The following ST8SIA2 variants were observed in gnomAD, a reference collection of about 807,000 sequenced individuals.
ST8SIA2 encodes the protein ST8 alpha-N-acetyl-neuraminide alpha-2,8-sialyltransferase 2.
ST8SIA2 carries 22 observed loss-of-function variants against 37.6 expected under a neutral mutation model. The ratio of observed to expected loss-of-function variants is 0.58; its 90% CI spans 0.42 to 0.83. The LOEUF is 0.83. Ranked by LOEUF, ST8SIA2 falls within the 40% of genes least tolerant of loss-of-function variation. ST8SIA2 has a pLI of 0.00. For synonymous variants in ST8SIA2, 205 were observed against 201.2 expected (o/e 1.02, Z -0.16); for missense variants, 382 against 484.7 (o/e 0.79, Z 1.99).
In ST8SIA2 at chr15:92,438,406, G is replaced by A; in HGVS notation, c.344G>A (p.Gly115Glu). ...DAEKDISVLK[G>E]TLKPGDIIHY... Reference sequence around the variant, plus strand: ...GAAAAGGACATTTCTGTCCTAAAGGGAACCCTGAAGCCTGGAGATATTATT... The same window carrying A: ...GAAAAGGACATTTCTGTCCTAAAGGAAACCCTGAAGCCTGGAGATATTATT... The change falls in exon 4 of 6, where the codon GGA becomes GAA. Residue 115 changes from glycine (G) to glutamate (E), a missense_variant. Physicochemically the swap from Gly to Glu is moderately conservative, Grantham distance 98. Coordinates refer to ENST00000268164, the MANE Select transcript of ST8SIA2 (RefSeq NM_006011.4). 6.2e-7 allele frequency: 1 copy of A among 1,614,226 alleles called. No homozygotes were observed. Among genetic ancestry groups the A allele is most frequent in the Admixed American group, 1.7e-5 (1 of 60,030 alleles).
intron 1 of ST8SIA2, chr15:92,421,424 C>G (rs1361198125): frequency 6.6e-6 from 1 of 152,128 alleles, no homozygotes; most frequent in East Asian, 1.9e-4. Flanking sequence ...GGCTTGTCCT[C>G]CAGCCAAAAA....
intron 1 of ST8SIA2, among the ~76,000 whole-genome samples, chr15:92,409,579 C>G (rs1344162503): frequency 6.6e-6 from 1 of 152,140 alleles, no homozygotes; most frequent in Non-Finnish European, 1.5e-5. Flanking sequence ...CATTTCTTTC[C>G]TGTTCATTTC....
At chr15:92,443,780 A>G (rs2049820468) in intron 4 of ST8SIA2, among the ~76,000 whole-genome samples, 1 of 152,154 alleles carries the variant, frequency 6.6e-6, no homozygotes, top group African/African-American at 2.4e-5. Flanking sequence ...GTGCTCTAGC[A>G]TGGTATTCCT....
intron 5 of ST8SIA2, among the ~76,000 whole-genome samples, chr15:92,454,745 T>C (rs1008455596): frequency 7.9e-5 from 12 of 151,832 alleles, no homozygotes; most frequent in African/African-American, 2.9e-4. Context: ...GGCCCCTGGC[T>C]CTGCTGGCCT....
intron 3 of ST8SIA2, among the ~76,000 whole-genome samples, chr15:92,435,882 C>T (rs923058848): frequency 7.9e-5 from 12 of 152,238 alleles, no homozygotes; most frequent in South Asian, 2.1e-4. Context: ...AACAACGCGG[C>T]GGCGGCCTAA....
chr15:92,453,289 C>T (rs374143505), intron 5 of ST8SIA2, among the ~76,000 whole-genome samples: 20 of 152,200 alleles, frequency 1.3e-4, no homozygotes, highest in East Asian at 1.2e-3. Flanking sequence ...GAACCAGCCA[C>T]GGGGCTTGGT....
intron 1 of ST8SIA2, among the ~76,000 whole-genome samples, chr15:92,421,975 CAATTATG>C (rs1442749000): frequency 6.6e-6 from 1 of 152,184 alleles, no homozygotes; most frequent in Non-Finnish European, 1.5e-5. Flanking sequence ...AACGTGGTCT[CAATTATG>C]ACTATAGCTT....
intron 5 of ST8SIA2, chr15:92,445,172 G>A (rs2141839741): frequency 1.7e-6 from 1 of 599,512 alleles, no homozygotes; most frequent in Admixed American, 2.8e-5. Context: ...GAACTGAGTT[G>A]AGAATGATCT....
At chr15:92,445,265 C>T in intron 5 of ST8SIA2, 1 of 441,214 alleles carries the variant, frequency 2.3e-6, no homozygotes, top group Non-Finnish European at 4.2e-6. Flanking sequence ...AGTCACATAC[C>T]ATCCCAGGTG....
In ST8SIA2 at chr15:92,394,061, C is replaced by CACCATG; in HGVS notation, c.-3_3dup. The stretch of plus-strand genomic sequence containing the variant: ...GCGTGGGTCCCGGCGGGCGCGAACC[C>CACCATG]ACCATGCAGCTGCAGTTCCGGAGCT... On this transcript the variant is annotated 5_prime_UTR_variant, in exon 1 of 6. In the 5' UTR this introduces an upstream ATG that the reference lacks. Coordinates refer to ENST00000268164, the MANE Select transcript of ST8SIA2 (RefSeq NM_006011.4). 1.3e-6 allele frequency: 2 copies of CACCATG among 1,550,524 alleles called. No homozygotes were observed. Among genetic ancestry groups the CACCATG allele is most frequent in the Non-Finnish European group, 1.7e-6 (2 of 1,146,636 alleles).
At position 92,394,510 on chromosome 15, in the gene ST8SIA2, G is replaced by T. The variant is rs534943716; in HGVS notation, c.98+348G>T. Among the ~76,000 whole-genome samples the T allele has an allele frequency of 2.0e-5, 3 of 152,310 alleles. No individual in the cohort carries two copies. The East Asian group carries it at 5.8e-4, about 30-fold the overall frequency. On this transcript the variant is annotated intron_variant, in intron 1 of 5. Transcript: ENST00000268164. ...GCGCCGGGGAGTGTCTCGGGCGGGC[G>T]GAGGGGCCGAGAGTGGAGGGAGGCA...
At position 92,467,778 on chromosome 15, in the gene ST8SIA2, A is replaced by T. The variant is rs2050003142; in HGVS notation, c.*3393A>T. The stretch of plus-strand genomic sequence containing the variant: ...GAGTCCCTCCGCACTCTCCATCAGC[A>T]ACCTCACACCTGCCTTCAGACCCGG... On this transcript the variant is annotated 3_prime_UTR_variant, in exon 6 of 6. Coordinates refer to ENST00000268164, the MANE Select transcript of ST8SIA2 (RefSeq NM_006011.4). 3 of 152,708 alleles carry T rather than the reference A, an allele frequency of 2.0e-5. No individual in the cohort carries two copies. The Admixed American group carries it at 2.0e-4, about 10-fold the overall frequency. 9.5% of individuals were successfully genotyped at this position (152,708 alleles called of 1,614,324 possible).
chr15:92,444,569 A>G, intron 4 of ST8SIA2, 67 bp from the exon 5 acceptor site: 1 of 1,602,178 alleles, frequency 6.2e-7, no homozygotes, highest in Non-Finnish European at 8.5e-7. Flanking sequence ...AAAGGATGGG[A>G]TCGAGTTAAA....
At chr15:92,426,523 C>G (rs145775423) in intron 1 of ST8SIA2, among the ~76,000 whole-genome samples, 36 of 152,238 alleles carry the variant, frequency 2.4e-4, no homozygotes, top group Middle Eastern at 6.8e-3. Flanking sequence ...TATCCCAAAT[C>G]AGCGAGATTT....
chr15:92,410,568 T>C (rs535597493), intron 1 of ST8SIA2, among the ~76,000 whole-genome samples: 1 of 152,130 alleles, frequency 6.6e-6, no homozygotes, highest in African/African-American at 2.4e-5. Flanking sequence ...AGCACATGAG[T>C]GCACGTAACG....
chr15:92,412,788 G>T (rs2049559022), intron 1 of ST8SIA2, among the ~76,000 whole-genome samples: 1 of 152,198 alleles, frequency 6.6e-6, no homozygotes, highest in Admixed American at 6.5e-5. Context: ...CTCCCAAGCA[G>T]CTGGGATTAC....
intron 1 of ST8SIA2, among the ~76,000 whole-genome samples, chr15:92,419,577 A>AG (rs1320386933): frequency 1.3e-5 from 2 of 152,120 alleles, no homozygotes; most frequent in African/African-American, 2.4e-5. Context: ...GGCTGAATAT[A>AG]GGGGGCACCC....
At chr15:92,437,478 C>T (rs994424972) in intron 3 of ST8SIA2, among the ~76,000 whole-genome samples, 4 of 152,152 alleles carry the variant, frequency 2.6e-5, no homozygotes, top group Admixed American at 6.5e-5. Flanking sequence ...ATCAAAGCTA[C>T]CCCAGAGCCT....
intron 5 of ST8SIA2, among the ~76,000 whole-genome samples, chr15:92,463,738 C>T (rs2049972290): frequency 6.6e-6 from 1 of 152,220 alleles, no homozygotes; most frequent in Non-Finnish European, 1.5e-5. Flanking sequence ...AAAAGGTTGC[C>T]AGCTCCTGCT....
Sources: allele counts gnomAD v4.1 joint callset (sites outside exome capture counted in the v4.1 genomes callset), GRCh38; gene constraint gnomAD v4.1.1; transcripts MANE v1.5; gene names NCBI Gene and HGNC (gene_info 2026-07-23, HGNC 2026-07-21).